TRIM2: variants seen among roughly 807,000 people sequenced by gnomAD.
The protein encoded by TRIM2 is tripartite motif-containing protein 2.
In TRIM2, 20 loss-of-function variants were observed where a neutral mutation model predicts 75.2. That is an observed-to-expected ratio of 0.27 (90% confidence interval 0.19 to 0.39). The LOEUF is 0.39. Ranked by LOEUF, TRIM2 falls within the 10% of genes least tolerant of loss-of-function variation. TRIM2 has a pLI of 1.00. For synonymous variants in TRIM2, 373 were observed against 388.3 expected, an observed-to-expected ratio of 0.96 and a Z score of 0.46; for missense variants, 660 against 990.8, an observed-to-expected ratio of 0.67 and a Z score of 4.48.
intron 1 of TRIM2, among the ~76,000 whole-genome samples, chr4:153,242,398 T>C (rs1280688137): frequency 2.0e-5 from 3 of 152,142 alleles, no homozygotes; most frequent in Admixed American, 2.0e-4. Context: ...GGTTTATTTA[T>C]TCCCTGCCCT....
chr4:153,228,746 G>T (rs1281004453), intron 1 of TRIM2, among the ~76,000 whole-genome samples: 2 of 152,262 alleles, frequency 1.3e-5, no homozygotes, highest in African/African-American at 4.8e-5. Context: ...AGGTCACGCG[G>T]CAGTCATAGT....
At chr4:153,202,305 T>C (rs1403347285), upstream of TRIM2, among the ~76,000 whole-genome samples, 1 of 152,254 alleles carries the variant, frequency 6.6e-6, no homozygotes, top group Non-Finnish European at 1.5e-5. Flanking sequence ...ATGTAATGAC[T>C]GTACTTTTCA....
intron 1 of TRIM2, among the ~76,000 whole-genome samples, chr4:153,247,953 T>A (rs72727875): frequency 0.081 from 12,297 of 151,502 alleles, 683 homozygotes; most frequent in Middle Eastern, 0.12. Flanking sequence ...AGTAATAATT[T>A]ATGTTCTGAC....
At chr4:153,184,951 C>T (rs1259911337) in intron 1 of TRIM2, among the ~76,000 whole-genome samples, 2 of 152,114 alleles carry the variant, frequency 1.3e-5, no homozygotes, top group Non-Finnish European at 2.9e-5. Flanking sequence ...TGTCTCAAAA[C>T]AACAACAACG....
chr4:153,217,214 C>A lies in TRIM2; in HGVS notation c.30+12654C>A, dbSNP rs566679059. 2.5e-3 allele frequency among the ~76,000 whole-genome samples: 381 copies of A among 152,154 alleles called. 5 individuals are homozygous for A. The highest frequency in any genetic ancestry group is 8.9e-3 in the African/African-American group (368 of 41,522). On this transcript the variant is annotated intron_variant, in intron 1 of 11. Transcript: ENST00000338700. ...TAGACATAAAGAAGACATAAACTCCCCACGGAGTATACAGGGTAATAAGCA... is the reference window on the plus strand; with the variant it reads ...TAGACATAAAGAAGACATAAACTCCACACGGAGTATACAGGGTAATAAGCA...
chr4:153,205,459 G>A (rs1735136130), intron 1 of TRIM2, among the ~76,000 whole-genome samples: 1 of 152,090 alleles, frequency 6.6e-6, no homozygotes, highest in Non-Finnish European at 1.5e-5. Context: ...AGGTGGGGAG[G>A]GGGCTACAAC....
At chr4:153,207,179 G>A (rs926013202) in intron 1 of TRIM2, among the ~76,000 whole-genome samples, 13 of 152,126 alleles carry the variant, frequency 8.5e-5, no homozygotes, top group Non-Finnish European at 1.6e-4. Context: ...TACTCACTGT[G>A]TAACTCTGTG....
At position 153,204,465 on chromosome 4, in the gene TRIM2, G is replaced by C; in HGVS notation, c.-66G>C. 2 of 1,539,234 alleles carry C rather than the reference G, an allele frequency of 1.3e-6. No homozygotes were observed. ...CTCGGCAGCTTGATGACTATAATGG[G>C]CCCAGTTGTCTGCGGGCTGCGGGGA... is the stretch of plus-strand genomic sequence containing the variant. On this transcript the variant is annotated 5_prime_UTR_variant, in exon 1 of 12. Transcript: ENST00000338700.
At chr4:153,285,221 C>T (rs1328624718) in intron 3 of TRIM2, among the ~76,000 whole-genome samples, 1 of 152,072 alleles carries the variant, frequency 6.6e-6, no homozygotes, top group African/African-American at 2.4e-5. Context: ...GTGTTGACAC[C>T]CTTGTCAAGA....
intron 1 of TRIM2, among the ~76,000 whole-genome samples, chr4:153,251,243 G>A (rs1578990435): frequency 1.3e-5 from 2 of 152,304 alleles, no homozygotes; most frequent in South Asian, 4.2e-4. Flanking sequence ...CCTCACCAGG[G>A]CTACTGCCAG....
chr4:153,236,789 T>C (rs536622961), intron 1 of TRIM2, among the ~76,000 whole-genome samples: 22 of 152,192 alleles, frequency 1.4e-4, no homozygotes, highest in African/African-American at 5.3e-4. Flanking sequence ...CCTCCTGGGT[T>C]CAAGAGATCC....
intron 1 of TRIM2, among the ~76,000 whole-genome samples, chr4:153,169,305 G>A (rs1730615043): frequency 6.6e-6 from 1 of 152,186 alleles, no homozygotes; most frequent in South Asian, 2.1e-4. Context: ...AAACTTTGCT[G>A]TGACTGACCT....
chr4:153,180,959 C>T (rs1390703776), intron 1 of TRIM2, among the ~76,000 whole-genome samples: 1 of 152,230 alleles, frequency 6.6e-6, no homozygotes, highest in Non-Finnish European at 1.5e-5. Flanking sequence ...AAAGAGATTG[C>T]CTATACACTT....
chr4:153,212,119 G>A (rs1215072702), intron 1 of TRIM2, among the ~76,000 whole-genome samples: 2 of 152,104 alleles, frequency 1.3e-5, no homozygotes, highest in African/African-American at 4.8e-5. Context: ...AAATAAAGCT[G>A]TCCTTTAGCA....
upstream of TRIM2, among the ~76,000 whole-genome samples, chr4:153,203,712 C>A (rs932605368): frequency 6.6e-6 from 1 of 151,878 alleles, no homozygotes; most frequent in African/African-American, 2.4e-5. Context: ...GCCAACATGG[C>A]GAAACCCCGT....
intron 1 of TRIM2, among the ~76,000 whole-genome samples, chr4:153,166,259 GT>G (rs1458557952): frequency 6.6e-6 from 1 of 151,790 alleles, no homozygotes; most frequent in Non-Finnish European, 1.5e-5. Flanking sequence ...CCATTTGTTT[GT>G]TTTTGTTTAT....
Position 153,160,098 on chromosome 4 carries a change from A to C in TRIM2, c.-49+6828A>C, listed in dbSNP as rs74377307. On this transcript the variant is annotated intron_variant, in intron 1 of 11. Transcript: ENST00000437508. ...TGAACTGTTTAGTGCAATTTTTAGA[A>C]TATGAGTCAGTTACAATCTTTACAC... Among the ~76,000 whole-genome samples the C allele has an allele frequency of 5.8e-4, 89 of 152,316 alleles. 3 individuals carry two copies. The East Asian group carries it at 0.014, about 23-fold the overall frequency.
chr4:153,187,272 CAT>C (rs1442791270), intron 1 of TRIM2, among the ~76,000 whole-genome samples: 1 of 152,142 alleles, frequency 6.6e-6, no homozygotes, highest in African/African-American at 2.4e-5. Flanking sequence ...CCATTACTCT[CAT>C]ATTACAAAGC....
intron 1 of TRIM2, chr4:153,257,555 C>T (rs1011130423): frequency 7.8e-7 from 1 of 1,289,682 alleles, no homozygotes; most frequent in African/African-American, 1.5e-5. Flanking sequence ...ACTGGCACAT[C>T]ACTACTTAGA....
Sources: gnomAD v4.1 joint callset for allele counts (sites outside exome capture counted in the v4.1 genomes callset) on GRCh38, gnomAD v4.1.1 for gene constraint, MANE v1.5 for transcripts, NCBI Gene and HGNC (gene_info 2026-07-23, HGNC 2026-07-21) for gene names.